MINDY3: variants seen among roughly 807,000 people sequenced by gnomAD.
MINDY3 encodes MINDY lysine 48 deubiquitinase 3.
Under a neutral mutation model 69.2 loss-of-function variants are expected in MINDY3, and 38 were observed. That is an observed-to-expected ratio of 0.55 (90% CI 0.42 to 0.72). The LOEUF (loss-of-function observed/expected upper bound fraction) is 0.72, where lower values mean the gene tolerates loss of function less well. MINDY3 is among the 30% of genes least tolerant of loss of function. The pLI is 0.00. For synonymous variants in MINDY3, 192 were observed against 180.1 expected (o/e 1.07, Z -0.53); for missense variants, 522 against 519.0 (o/e 1.01, Z -0.06).
In MINDY3 at chr10:15,779,035, A is replaced by G. The variant is rs779185199; in HGVS notation, c.1295T>C (p.Ile432Thr). 6 of 1,613,452 alleles carry G rather than the reference A, an allele frequency of 3.7e-6. No individual in the cohort carries two copies. Among genetic ancestry groups the G allele is most frequent in the South Asian group, 1.1e-5 (1 of 91,068 alleles). The change falls in exon 15 of 15, where the codon ATT becomes ACT. Residue 432 changes from isoleucine to threonine, a missense_variant. Physicochemically the swap from Ile to Thr is moderately conservative, Grantham distance 89. Transcript: ENST00000277632. ...GCGATCTGTGGTCCAGAGTAACTCA[A>G]TGTATGGCCATTTGGTTTGCAGACA... ...KRCLQTKWPYIELLWTTDRSP... is the reference protein window; with the variant it reads ...KRCLQTKWPYTELLWTTDRSP...
chr10:15,801,457 C>T (rs1181671444), intron 10 of MINDY3, among the ~76,000 whole-genome samples: 1 of 152,084 alleles, frequency 6.6e-6, no homozygotes, highest in Non-Finnish European at 1.5e-5. Context: ...TAGTACCCTG[C>T]CAGTAAGAGA....
intron 5 of MINDY3, 105 bp from the exon 6 acceptor site, chr10:15,837,423 A>G (rs141542599): frequency 1.6e-6 from 2 of 1,240,600 alleles, no homozygotes; most frequent in East Asian, 2.6e-5. Flanking sequence ...TATACATACA[A>G]ACAGGAAAGT....
intron 8 of MINDY3, among the ~76,000 whole-genome samples, chr10:15,828,177 A>T (rs1313535770): frequency 6.6e-6 from 1 of 152,222 alleles, no homozygotes; most frequent in Non-Finnish European, 1.5e-5. Context: ...CCAAGTGGAA[A>T]CACTCCACAT....
At chr10:15,831,099 T>G (rs1353022057) in intron 8 of MINDY3, among the ~76,000 whole-genome samples, 1 of 152,056 alleles carries the variant, frequency 6.6e-6, no homozygotes, top group African/African-American at 2.4e-5. Context: ...AGAGGTAAAG[T>G]TAGAGACAGA....
chr10:15,780,739 T>G (rs939926411), intron 14 of MINDY3, among the ~76,000 whole-genome samples: 1 of 152,256 alleles, frequency 6.6e-6, no homozygotes, highest in African/African-American at 2.4e-5. Context: ...TGCTGTATAT[T>G]ACTGTCATTT....
At position 15,841,554 on chromosome 10, in the gene MINDY3, A is replaced by G; in HGVS notation, c.281T>C (p.Leu94Ser). 6.2e-7 allele frequency: 1 copy of G among 1,611,346 alleles called. No individual in the cohort carries two copies. Among genetic ancestry groups the G allele is most frequent in the Non-Finnish European group, 8.5e-7 (1 of 1,178,252 alleles). The change falls in exon 4 of 15, where the codon TTA becomes TCA. Residue 94 changes from leucine (L) to serine (S), a missense_variant. Transcript: ENST00000277632. ...ELLCHTLCDI[L>S]ESACCDHSGS... ...AGAGTGGTCACAACAAGCACTTTCT[A>G]AAATATCACACAAGGTATGACAAAG...
chr10:15,849,631 G>C (rs915642419), intron 1 of MINDY3, among the ~76,000 whole-genome samples: 1 of 152,070 alleles, frequency 6.6e-6, no homozygotes, highest in Non-Finnish European at 1.5e-5. Flanking sequence ...TGGGGCAAAG[G>C]CTTGGTACAA....
Position 15,860,449 on chromosome 10 carries a change from G to C in MINDY3, c.-150C>G. 1.5e-6 allele frequency: 1 copy of C among 682,940 alleles called. No homozygotes were observed. Among genetic ancestry groups the C allele is most frequent in the Non-Finnish European group, 2.6e-6 (1 of 385,254 alleles). 42.3% of individuals were successfully genotyped at this position (682,940 alleles called of 1,614,324 possible). ...AAGAAGAAGGGGCTGAGAGCCACTT[G>C]CAGAGACCAAGCCTGTCAAGCCAGG... On this transcript the variant is annotated 5_prime_UTR_variant, in exon 1 of 15. Transcript: ENST00000277632.
rs115072884 is a variant in MINDY3 at position 15,816,945 on chromosome 10, T to C, written c.802-30A>G. The C allele has an allele frequency of 4.0e-3, 6,100 of 1,519,714 alleles. 119 individuals are homozygous for C. The African/African-American group carries it at 0.058, about 15-fold the overall frequency. The allele number at this position is 1,519,714 out of a possible 1,614,324, so 94.1% of individuals were successfully genotyped here. ...AACAAATGTAGCAAAATAAAACAAA[T>C]AAACAAATTAAAAATTTATACTGCC... On this transcript the variant is annotated intron_variant, in intron 9 of 14. Transcript: ENST00000277632.
chr10:15,791,195 C>G (rs1837385002), intron 11 of MINDY3, among the ~76,000 whole-genome samples: 1 of 151,948 alleles, frequency 6.6e-6, no homozygotes, highest in African/African-American at 2.4e-5. Context: ...TTAATATACT[C>G]AAGATTAGAA....
In MINDY3 at chr10:15,841,523, T is replaced by C. The variant is rs1250130775; in HGVS notation, c.312A>G (p.Ser104=). 2 of 1,611,790 alleles carry C rather than the reference T, an allele frequency of 1.2e-6. No homozygotes were observed. Among genetic ancestry groups the C allele is most frequent in the Non-Finnish European group, 1.7e-6 (2 of 1,178,522 alleles). The change falls in exon 4 of 15, where the codon TCA becomes TCG. Residue 104 remains serine (S), a synonymous_variant. Transcript: ENST00000277632. ...CTCTTAACCATGAAACCAAGCAGTA[T>C]GATCCAGAGTGGTCACAACAAGCAC... ...LESACCDHSG[S]YCLVSWLRGK...
At chr10:15,802,902 C>G (rs1335359594) in intron 10 of MINDY3, among the ~76,000 whole-genome samples, 1 of 151,698 alleles carries the variant, frequency 6.6e-6, no homozygotes, top group African/African-American at 2.4e-5. Context: ...AACTCTTAAT[C>G]ACACCACTTA....
intron 8 of MINDY3, among the ~76,000 whole-genome samples, chr10:15,827,957 T>C (rs1840202231): frequency 6.6e-6 from 1 of 152,190 alleles, no homozygotes; most frequent in African/African-American, 2.4e-5. Flanking sequence ...AAAGAATAAG[T>C]TTATACTTTT....
At chr10:15,826,703 G>A (rs1448399369) in intron 8 of MINDY3, among the ~76,000 whole-genome samples, 2 of 152,102 alleles carry the variant, frequency 1.3e-5, no homozygotes, top group Non-Finnish European at 2.9e-5. Flanking sequence ...GTGAAGTTTT[G>A]CATAAGAAGT....
intron 1 of MINDY3, among the ~76,000 whole-genome samples, chr10:15,850,094 C>G (rs531324541): frequency 1.3e-5 from 2 of 152,186 alleles, no homozygotes; most frequent in African/African-American, 4.8e-5. Flanking sequence ...CCTGTCTTTA[C>G]TGCAATCTCT....
In MINDY3 at chr10:15,838,255, C is replaced by G; in HGVS notation, c.434G>C (p.Gly145Ala). The change falls in exon 5 of 15, where the codon GGC (glycine) becomes GCC (alanine). Residue 145 changes from glycine to alanine, a missense_variant. By Grantham distance (60) the Gly-to-Ala change is moderately conservative. Transcript: ENST00000277632. The stretch of plus-strand genomic sequence containing the variant: ...AATTAATGCATGAAATCGCTCAAAG[C>G]CAAGCTCTTCGACAGCCAAGGCAGC... The part of the protein sequence containing the change: ...HSSALAVEEL[G>A]FERFHALIQK... 1.1e-5 allele frequency: 17 copies of G among 1,603,722 alleles called. No individual in the cohort carries two copies. Among genetic ancestry groups the G allele is most frequent in the Non-Finnish European group, 1.4e-5 (16 of 1,176,008 alleles).
At chr10:15,800,974 GGT>G (rs1166299328) in intron 10 of MINDY3, among the ~76,000 whole-genome samples, 5 of 152,204 alleles carry the variant, frequency 3.3e-5, no homozygotes, top group Non-Finnish European at 7.3e-5. Context: ...AGGAGCTAAA[GGT>G]GGAGAACTTA....
intron 6 of MINDY3, among the ~76,000 whole-genome samples, chr10:15,835,125 G>A (rs1357551452): frequency 6.6e-6 from 1 of 151,972 alleles, no homozygotes; most frequent in Non-Finnish European, 1.5e-5. Flanking sequence ...ACAAATGTTG[G>A]TCATTCAAAT....
intron 8 of MINDY3, among the ~76,000 whole-genome samples, chr10:15,823,116 C>T (rs1839879783): frequency 6.6e-6 from 1 of 152,108 alleles, no homozygotes; most frequent in Non-Finnish European, 1.5e-5. Flanking sequence ...GCCTTAACTA[C>T]AACATCTAGA....
Sources: gnomAD v4.1 joint callset for allele counts (sites outside exome capture counted in the v4.1 genomes callset) on GRCh38, gnomAD v4.1.1 for gene constraint, MANE v1.5 for transcripts, NCBI Gene and HGNC (gene_info 2026-07-23, HGNC 2026-07-21) for gene names.